Variants in RSU1 observed in about 807,000 individuals in gnomAD.
RSU1 encodes rsu-1.
A neutral mutation model predicts 31.1 loss-of-function variants in RSU1; 26 were observed. That is an observed-to-expected ratio of 0.84 (90% confidence interval 0.61 to 1.16). The LOEUF (loss-of-function observed/expected upper bound fraction) is 1.16. RSU1 is among the 50% of genes most tolerant of loss of function. The probability of loss-of-function intolerance (pLI) is 0.00; values close to 1 mark genes in which losing one functional copy is unlikely to be tolerated. For synonymous variants in RSU1, 164 were observed against 136.3 expected (o/e 1.20, Z -1.41); for missense variants, 320 against 339.1 (o/e 0.94, Z 0.44).
chr10:16,721,877 C>G (rs1299262925), intron 7 of RSU1, among the ~76,000 whole-genome samples: 1 of 152,106 alleles, frequency 6.6e-6, no homozygotes. Context: ...AAGTGCTTAC[C>G]TTACTAAGGG....
chr10:16,795,776 G>A (rs936491459), intron 2 of RSU1, among the ~76,000 whole-genome samples: 1 of 152,174 alleles, frequency 6.6e-6, no homozygotes, highest in South Asian at 2.1e-4. Flanking sequence ...GACATGAGCA[G>A]TATTAACTGT....
chr10:16,653,782 A>G (rs1326809275), intron 8 of RSU1, among the ~76,000 whole-genome samples: 1 of 152,170 alleles, frequency 6.6e-6, no homozygotes, highest in Non-Finnish European at 1.5e-5. Flanking sequence ...CTGTGCATTA[A>G]TAAGTGGCAT....
Position 16,764,506 on chromosome 10 carries a change from C to T in RSU1, c.165G>A (p.Val55=). Residue 55 remains valine, a synonymous_variant, in exon 4 of 9, where the codon GTG becomes GTA. Coordinates refer to ENST00000345264, the MANE Select transcript of RSU1 (RefSeq NM_012425.4). ...TCTTCAGTTCTGCGATGTTCGGTGG[C>T]ACCACTATGGAAACAAAAATGCTGA... ...LVLSHNKLTM[V]PPNIAELKNL... 1 of 1,612,806 alleles carries T rather than the reference C, an allele frequency of 6.2e-7. No individual in the cohort carries two copies. The highest frequency in any genetic ancestry group is 8.5e-7 in the Non-Finnish European group (1 of 1,179,372).
intron 8 of RSU1, among the ~76,000 whole-genome samples, chr10:16,641,491 C>CAAA (rs59893762): frequency 0.09 from 10,254 of 114,150 alleles, 1,304 homozygotes; most frequent in African/African-American, 0.29. Context: ...GACTTTATCT[C>CAAA]AAAAAAAAAA....
At chr10:16,748,356 T>G (rs995302106) in intron 7 of RSU1, 2 of 151,600 alleles carry the variant, frequency 1.3e-5, no homozygotes, top group Non-Finnish European at 2.9e-5. Flanking sequence ...TCCAGCCTCT[T>G]GCTTCTGTCA....
chr10:16,754,542 G>T (rs1837043515), intron 5 of RSU1, among the ~76,000 whole-genome samples: 1 of 139,380 alleles, frequency 7.2e-6, no homozygotes, highest in South Asian at 2.2e-4. Context: ...AACATAGGAA[G>T]ATACTTTTTT....
In RSU1 at chr10:16,764,915, G is replaced by A. The variant is rs1007726803; in HGVS notation, c.161-405C>T. ...TTCCTTTTGGTTTTCTTGCATTGCC[G>A]TCAGAAGAAGAAATGCTTCTTCGTA... On this transcript the variant is annotated intron_variant, in intron 3 of 8. Coordinates refer to ENST00000345264, the MANE Select transcript of RSU1 (RefSeq NM_012425.4). 9.4e-5 allele frequency among the ~76,000 whole-genome samples: 14 copies of A among 149,680 alleles called. No homozygotes were observed. In the East Asian group the frequency reaches 1.8e-3, roughly 19 times the overall value.
At chr10:16,670,177 G>A (rs1373424268) in intron 8 of RSU1, among the ~76,000 whole-genome samples, 1 of 152,166 alleles carries the variant, frequency 6.6e-6, no homozygotes, top group African/African-American at 2.4e-5. Context: ...GAATAACTAA[G>A]GAGGAAAAAC....
chr10:16,714,068 T>G (rs80325571), intron 7 of RSU1, among the ~76,000 whole-genome samples: 1,928 of 152,104 alleles, frequency 0.013, 49 homozygotes, highest in African/African-American at 0.044. Context: ...GCTGAATATG[T>G]ATGGGTGTGG....
rs144674919 is a variant in RSU1 at position 16,637,887 on chromosome 10, A to T, written c.732-44391T>A. 4.2e-3 allele frequency among the ~76,000 whole-genome samples: 637 copies of T among 152,298 alleles called. 9 individuals are homozygous for T. Among genetic ancestry groups the T allele is most frequent in the African/African-American group, 0.015 (612 of 41,562 alleles). ...TGGATAGGAAGAATAAAGGAACACA[A>T]AGAACAGTACCCGCATCCCTAGACT... On this transcript the variant is annotated intron_variant, in intron 8 of 8. Transcript: ENST00000345264.
At chr10:16,648,918 T>G (rs951676482) in intron 8 of RSU1, among the ~76,000 whole-genome samples, 40 of 152,272 alleles carry the variant, frequency 2.6e-4, no homozygotes, top group African/African-American at 9.4e-4. Context: ...CATTAGCAGA[T>G]GACTTTAGGA....
chr10:16,775,070 G>C (rs771242434), intron 3 of RSU1, among the ~76,000 whole-genome samples: 1 of 152,150 alleles, frequency 6.6e-6, no homozygotes, highest in Non-Finnish European at 1.5e-5. Context: ...AAAGAGAAGA[G>C]ATGCTCTACA....
intron 7 of RSU1, among the ~76,000 whole-genome samples, chr10:16,714,276 T>C (rs1341929347): frequency 1.3e-5 from 2 of 152,182 alleles, no homozygotes; most frequent in African/African-American, 4.8e-5. Flanking sequence ...GGTGGCCCTG[T>C]AGGAGTCTGT....
chr10:16,796,358 G>A (rs755959863), intron 2 of RSU1, among the ~76,000 whole-genome samples: 6 of 152,006 alleles, frequency 3.9e-5, no homozygotes, highest in African/African-American at 7.3e-5. Context: ...CCAGGGCCTC[G>A]CTACGTCTTC....
At chr10:16,755,113 T>C in intron 4 of RSU1, 124 bp from the exon 5 acceptor site, 1 of 533,758 alleles carries the variant, frequency 1.9e-6, no homozygotes, top group South Asian at 3.5e-5. Flanking sequence ...AGTCACTTTA[T>C]ACTTTATTTT....
rs527478758 is a variant in RSU1 at position 16,640,389 on chromosome 10, G to A, written c.732-46893C>T. Among the ~76,000 whole-genome samples the A allele has an allele frequency of 3.1e-4, 47 of 152,074 alleles. No homozygotes were observed. In the South Asian group the frequency reaches 5.0e-3, roughly 16 times the overall value. ...CTGAGTTTCCACTGTCTCTCATCTGGCTCCTGAAATAGCCTAGCAACCGGC... is the reference window on the plus strand; with the variant it reads ...CTGAGTTTCCACTGTCTCTCATCTGACTCCTGAAATAGCCTAGCAACCGGC... On this transcript the variant is annotated intron_variant, in intron 8 of 8. Transcript: ENST00000345264.
chr10:16,651,963 A>G (rs911979015), intron 8 of RSU1, among the ~76,000 whole-genome samples: 2 of 152,236 alleles, frequency 1.3e-5, no homozygotes, highest in Admixed American at 1.3e-4. Flanking sequence ...TAAATTTCCT[A>G]AATATCTCAA....
At chr10:16,679,031 A>G (rs574428783) in intron 8 of RSU1, among the ~76,000 whole-genome samples, 14 of 152,362 alleles carry the variant, frequency 9.2e-5, no homozygotes, top group African/African-American at 2.2e-4. Flanking sequence ...AATGTGGTAA[A>G]AAGATCTATA....
At chr10:16,767,522 A>G (rs1439502640) in intron 3 of RSU1, 1 of 152,106 alleles carries the variant, frequency 6.6e-6, no homozygotes, top group African/African-American at 2.4e-5. Flanking sequence ...GAGCATGTGA[A>G]TTTTTCGTTT....
Sources: gnomAD v4.1 joint callset for allele counts (sites outside exome capture counted in the v4.1 genomes callset) on GRCh38, gnomAD v4.1.1 for gene constraint, MANE v1.5 for transcripts, NCBI Gene and HGNC (gene_info 2026-07-23, HGNC 2026-07-21) for gene names.